The following NXPH1 variants were observed in gnomAD, a reference collection of about 807,000 sequenced individuals.
NXPH1 encodes neurexophilin-1.
A neutral mutation model predicts 23.7 loss-of-function variants in NXPH1; 5 were observed. The observed-to-expected ratio is 0.21, with a 90% confidence interval of 0.11 to 0.44. The LOEUF is 0.44. Ranked by LOEUF, NXPH1 falls within the 20% of genes least tolerant of loss-of-function variation. The pLI is 0.99. For synonymous variants in NXPH1, 144 were observed against 122.2 expected, an observed-to-expected ratio of 1.18 and a Z score of -1.18; for missense variants, 324 against 321.6, an observed-to-expected ratio of 1.01 and a Z score of -0.06.
intron 2 of NXPH1, among the ~76,000 whole-genome samples, chr7:8,630,954 A>G (rs28647611): frequency 0.32 from 48,827 of 151,856 alleles, 8,069 homozygotes; most frequent in African/African-American, 0.39. Flanking sequence ...AGGCCTCAGT[A>G]TGTGTTGTTC....
intron 2 of NXPH1, among the ~76,000 whole-genome samples, chr7:8,675,057 A>C (rs376260754): frequency 2.4e-4 from 36 of 152,314 alleles, no homozygotes; most frequent in African/African-American, 8.7e-4. Flanking sequence ...AAACCTTAAA[A>C]TAGAACAAGG....
intron 2 of NXPH1, among the ~76,000 whole-genome samples, chr7:8,506,357 C>T (rs2128613280): frequency 6.6e-6 from 1 of 152,186 alleles, no homozygotes; most frequent in South Asian, 2.1e-4. Flanking sequence ...TGGGTCTTTC[C>T]ATGTCTTAGT....
intron 2 of NXPH1, among the ~76,000 whole-genome samples, chr7:8,560,593 C>A (rs574082764): frequency 2.6e-5 from 4 of 151,724 alleles, no homozygotes; most frequent in African/African-American, 9.6e-5. Flanking sequence ...CAATGGGGCC[C>A]TAAGGGAAAA....
intron 2 of NXPH1, among the ~76,000 whole-genome samples, chr7:8,542,131 GAAA>G (rs140853754): frequency 1.5e-4 from 22 of 149,766 alleles, no homozygotes; most frequent in Non-Finnish European, 2.7e-4. Context: ...TCAATTATAA[GAAA>G]AAAAAGAAAA....
At chr7:8,661,724 A>G (rs140251172) in intron 2 of NXPH1, among the ~76,000 whole-genome samples, 1,909 of 152,268 alleles carry the variant, frequency 0.013, 15 homozygotes, top group South Asian at 0.026. Context: ...TGTAGAAATA[A>G]CCAAGGGGAG....
intron 2 of NXPH1, among the ~76,000 whole-genome samples, chr7:8,630,020 A>G (rs920372553): frequency 6.6e-6 from 1 of 152,112 alleles, no homozygotes; most frequent in African/African-American, 2.4e-5. Flanking sequence ...GGATTGGTGA[A>G]CATTTTACTC....
chr7:8,683,347 G>A (rs1416866007), intron 2 of NXPH1, among the ~76,000 whole-genome samples: 1 of 152,174 alleles, frequency 6.6e-6, no homozygotes, highest in African/African-American at 2.4e-5. Flanking sequence ...TTGGAGGAGA[G>A]AAACATCCAA....
intron 2 of NXPH1, among the ~76,000 whole-genome samples, chr7:8,679,373 G>A (rs1460566883): frequency 2.6e-5 from 4 of 152,186 alleles, no homozygotes; most frequent in African/African-American, 9.7e-5. Context: ...AGGAATTGGG[G>A]TGCCGCACTG....
chr7:8,446,829 A>G (rs1462651557), intron 2 of NXPH1, among the ~76,000 whole-genome samples: 2 of 151,960 alleles, frequency 1.3e-5, no homozygotes, highest in Non-Finnish European at 2.9e-5. Flanking sequence ...AGAATTATAC[A>G]CGGTTAAAAA....
At chr7:8,483,645 G>T (rs1357575370) in intron 2 of NXPH1, among the ~76,000 whole-genome samples, 1 of 152,076 alleles carries the variant, frequency 6.6e-6, no homozygotes, top group Non-Finnish European at 1.5e-5. Context: ...ATGAAACCCT[G>T]ATATGAGACA....
chr7:8,727,653 T>C (rs940155607), intron 2 of NXPH1, among the ~76,000 whole-genome samples: 4 of 152,300 alleles, frequency 2.6e-5, no homozygotes, highest in African/African-American at 7.2e-5. Context: ...GTTGTAGATA[T>C]GCGGCATTAT....
At chr7:8,452,330 T>A (rs569206492) in intron 2 of NXPH1, among the ~76,000 whole-genome samples, 51 of 152,296 alleles carry the variant, frequency 3.3e-4, no homozygotes, top group African/African-American at 1.2e-3. Context: ...TTAAATATGT[T>A]ACCACCACTG....
chr7:8,508,432 A>G (rs889119589), intron 2 of NXPH1, among the ~76,000 whole-genome samples: 4 of 152,132 alleles, frequency 2.6e-5, no homozygotes, highest in African/African-American at 2.4e-5. Context: ...TATCTGTCGC[A>G]TATATCTGTA....
At chr7:8,549,706 C>G (rs6463818) in intron 2 of NXPH1, among the ~76,000 whole-genome samples, 89,763 of 151,324 alleles carry the variant, frequency 0.59, 26,679 homozygotes, top group Middle Eastern at 0.7. Flanking sequence ...ACCAGAAATG[C>G]TTATAAATGC....
At chr7:8,546,299 G>A (rs763440122) in intron 2 of NXPH1, among the ~76,000 whole-genome samples, 2 of 151,392 alleles carry the variant, frequency 1.3e-5, no homozygotes, top group Non-Finnish European at 3.0e-5. Flanking sequence ...GGGAGAGAAA[G>A]TCACAAATAT....
chr7:8,589,424 A>G (rs1056172245), intron 2 of NXPH1, among the ~76,000 whole-genome samples: 4 of 152,268 alleles, frequency 2.6e-5, no homozygotes, highest in African/African-American at 7.2e-5. Context: ...AAGTATGCAC[A>G]CCAGCAAACA....
chr7:8,686,817 A>T (rs1821152169), intron 2 of NXPH1, among the ~76,000 whole-genome samples: 1 of 152,100 alleles, frequency 6.6e-6, no homozygotes, highest in Non-Finnish European at 1.5e-5. Context: ...ATAAACTGGA[A>T]CTGTTGTCAT....
At chr7:8,739,170 G>GT (rs1780315814) in intron 2 of NXPH1, among the ~76,000 whole-genome samples, 1 of 55,592 alleles carries the variant, frequency 1.8e-5, no homozygotes, top group African/African-American at 9.1e-5. Context: ...CACCAGTGGG[G>GT]TAAAAAAAAA....
chr7:8,472,628 G>T (rs564190452), intron 2 of NXPH1, among the ~76,000 whole-genome samples: 2 of 152,136 alleles, frequency 1.3e-5, no homozygotes, highest in East Asian at 1.9e-4. Context: ...AGAGAGTCTG[G>T]ATAGGATACC....
Sources: allele counts gnomAD v4.1 joint callset (sites outside exome capture counted in the v4.1 genomes callset), GRCh38; gene constraint gnomAD v4.1.1; transcripts MANE v1.5; gene names NCBI Gene and HGNC (gene_info 2026-07-23, HGNC 2026-07-21).